Variants in BOD1 observed in about 807,000 individuals in gnomAD.
The protein encoded by BOD1 is biorientation of chromosomes in cell division protein 1.
In BOD1, 11 loss-of-function variants were observed where a neutral mutation model predicts 15.7. The ratio of observed to expected loss-of-function variants is 0.70; its 90% CI spans 0.44 to 1.16. The LOEUF (loss-of-function observed/expected upper bound fraction) is 1.16. Among genes scored for constraint, BOD1 ranks in the 50% most tolerant of loss-of-function variants. The probability of loss-of-function intolerance (pLI) is 0.00; values close to 1 mark genes in which losing one functional copy is unlikely to be tolerated. For synonymous variants in BOD1, 105 were observed against 103.5 expected, an observed-to-expected ratio of 1.01 and a Z score of -0.09; for missense variants, 182 against 244.5, an observed-to-expected ratio of 0.74 and a Z score of 1.70.
chr5:173,616,410 T>TC lies in BOD1; in HGVS notation c.26dup (p.Thr10AsnfsTer10). ...TTCCGCCGCCGCCCACCGCGCCAGT[T>TC]CCCCCGCCGCCGCCGCCGTCCGCCA... On this transcript the variant is annotated frameshift_variant, in exon 1 of 4. Transcript: ENST00000311086. LOFTEE classifies it high-confidence loss of function. 1 of 1,534,340 alleles carries TC rather than the reference T, an allele frequency of 6.5e-7. No individual in the cohort carries two copies. The highest frequency in any genetic ancestry group is 2.5e-5 in the East Asian group (1 of 39,306).
intron 2 of BOD1, among the ~76,000 whole-genome samples, chr5:173,612,618 C>T (rs745601805): frequency 3.9e-5 from 6 of 152,236 alleles, no homozygotes; most frequent in Non-Finnish European, 7.3e-5. Context: ...CTATCAATAG[C>T]ACCTTTATTA....
In BOD1 at chr5:173,607,258, T is replaced by C. The variant is rs258858; in HGVS notation, c.*1036A>G. 0.48 allele frequency among the ~76,000 whole-genome samples: 73,457 copies of C among 152,034 alleles called. 19,263 individuals are homozygous for C. Among genetic ancestry groups the C allele is most frequent in the East Asian group, 0.8 (4,120 of 5,176 alleles). On this transcript the variant is annotated 3_prime_UTR_variant, in exon 4 of 4. Coordinates refer to ENST00000311086, the MANE Select transcript of BOD1 (RefSeq NM_138369.3). ...CTTAATCAGAAATATGCATTTTCCC[T>C]TAAATCCCCAGGTGCTACTTCTGCA...
intron 2 of BOD1, among the ~76,000 whole-genome samples, chr5:173,612,231 G>T (rs2113334387): frequency 6.6e-6 from 1 of 152,346 alleles, no homozygotes; most frequent in East Asian, 1.9e-4. Flanking sequence ...ATATTCACAG[G>T]AAGTTGTGAA....
rs772937466 is a variant in BOD1, at chr5:173,609,289, G to A, written c.508C>T (p.Pro170Ser). ...GGAGGGTCCTGGCCTTCGGGCTCTG[G>A]AGGGGGTGCTGGCACAGCTGCTTTT... ...QKKAAVPAPP[P>S]EPEGQDPPAP... Residue 170 changes from proline (P) to serine (S), a missense_variant, in exon 3 of 4, where the codon CCA (proline) becomes TCA (serine). Coordinates refer to ENST00000311086, the MANE Select transcript of BOD1 (RefSeq NM_138369.3). The A allele has an allele frequency of 9.9e-6, 16 of 1,614,116 alleles. No individual in the cohort carries two copies. The highest frequency in any genetic ancestry group is 1.3e-5 in the Non-Finnish European group (15 of 1,180,050).
At chr5:173,615,949 A>G (rs1168136218) in intron 1 of BOD1, among the ~76,000 whole-genome samples, 1 of 152,216 alleles carries the variant, frequency 6.6e-6, no homozygotes, top group Non-Finnish European at 1.5e-5. Context: ...TCTAGGCTCT[A>G]AAACCCACAT....
intron 1 of BOD1, 59 bp from the exon 2 acceptor site, chr5:173,613,314 T>TA: frequency 1.9e-6 from 3 of 1,597,158 alleles, no homozygotes; most frequent in African/African-American, 1.3e-5. Flanking sequence ...GTTTTGAACT[T>TA]AGTCTCTCAG....
At position 173,608,188 on chromosome 5, in the gene BOD1, A is replaced by C; in HGVS notation, c.*106T>G. ...GCCCATGGTCAAGGTTGAAATCTTG[A>C]GATCAGTGACGACCTTGGCCTATCT... is the stretch of plus-strand genomic sequence containing the variant. On this transcript the variant is annotated 3_prime_UTR_variant, in exon 4 of 4. Transcript: ENST00000311086. 1 of 1,355,864 alleles carries C rather than the reference A, an allele frequency of 7.4e-7. No homozygotes were observed. Among genetic ancestry groups the C allele is most frequent in the Non-Finnish European group, 1.1e-6 (1 of 947,012 alleles). The allele number at this position is 1,355,864 out of a possible 1,614,324, so 84.0% of individuals were successfully genotyped here.
intron 1 of BOD1, among the ~76,000 whole-genome samples, chr5:173,615,131 C>G (rs750275147): frequency 6.6e-6 from 1 of 152,208 alleles, no homozygotes; most frequent in Non-Finnish European, 1.5e-5. Context: ...TACTTTGTTT[C>G]AAGGACAGAC....
chr5:173,613,743 C>T (rs1227910894), intron 1 of BOD1, among the ~76,000 whole-genome samples: 1 of 152,250 alleles, frequency 6.6e-6, no homozygotes, highest in East Asian at 1.9e-4. Context: ...GCCTCAATTC[C>T]ATGACTGGCC....
In BOD1 at chr5:173,607,328, A is replaced by C. The variant is rs551112936; in HGVS notation, c.*966T>G. Among the ~76,000 whole-genome samples, 15 of 152,310 alleles carry C rather than the reference A, an allele frequency of 9.8e-5. No individual in the cohort carries two copies. The South Asian group carries it at 3.1e-3, about 32-fold the overall frequency. ...CTGACACATACCACGGACTACCTCAACTAAAGACCAGTGTCAGTAATGGCT... is the reference window on the plus strand; with the variant it reads ...CTGACACATACCACGGACTACCTCACCTAAAGACCAGTGTCAGTAATGGCT... On this transcript the variant is annotated 3_prime_UTR_variant, in exon 4 of 4. Coordinates refer to ENST00000311086, the MANE Select transcript of BOD1 (RefSeq NM_138369.3).
At chr5:173,608,370 T>C (rs979513814) in intron 3 of BOD1, 78 bp from the exon 4 acceptor site, 2 of 1,203,946 alleles carry the variant, frequency 1.7e-6, no homozygotes, top group Non-Finnish European at 2.4e-6. Context: ...CCTAAAGGAA[T>C]TTACAATTAA....
At position 173,616,347 on chromosome 5, in the gene BOD1, A is replaced by G. The variant is rs1419532919; in HGVS notation, c.90T>C (p.Thr30=). The part of the protein sequence containing the change: ...QASAGAATGA[T]GASGGGGPIN... ...TGGGGCCACCGCCCCCGCTGGCCCC[A>G]GTAGCGCCAGTCGCTGCCCCGGCAG... The change falls in exon 1 of 4, where the codon ACT becomes ACC. Residue 30 remains threonine (T), a synonymous_variant. Coordinates refer to ENST00000311086, the MANE Select transcript of BOD1 (RefSeq NM_138369.3). 5 of 1,527,452 alleles carry G rather than the reference A, an allele frequency of 3.3e-6. No individual in the cohort carries two copies. The highest frequency in any genetic ancestry group is 1.2e-5 in the South Asian group (1 of 83,338). 94.6% of individuals were successfully genotyped at this position (1,527,452 alleles called of 1,614,324 possible).
At chr5:173,611,813 C>T (rs753333528) in intron 2 of BOD1, among the ~76,000 whole-genome samples, 1 of 152,200 alleles carries the variant, frequency 6.6e-6, no homozygotes, top group Non-Finnish European at 1.5e-5. Context: ...CATCCATGCT[C>T]ATTACAGAAA....
intron 2 of BOD1, among the ~76,000 whole-genome samples, chr5:173,610,378 A>C (rs941427236): frequency 6.6e-6 from 1 of 152,248 alleles, no homozygotes; most frequent in Non-Finnish European, 1.5e-5. Context: ...AGACATGAGT[A>C]AATGTACATC....
rs1755226668 is a variant in BOD1, at chr5:173,607,333, A to T, written c.*961T>A. On this transcript the variant is annotated 3_prime_UTR_variant, in exon 4 of 4. Coordinates refer to ENST00000311086, the MANE Select transcript of BOD1 (RefSeq NM_138369.3). The stretch of plus-strand genomic sequence containing the variant: ...ACATACCACGGACTACCTCAACTAA[A>T]GACCAGTGTCAGTAATGGCTCAGGG... Among the ~76,000 whole-genome samples the T allele has an allele frequency of 2.6e-5, 4 of 152,206 alleles. No homozygotes were observed. The South Asian group carries it at 8.3e-4, about 31-fold the overall frequency.
chr5:173,615,281 T>C (rs930226122), intron 1 of BOD1, among the ~76,000 whole-genome samples: 6 of 152,240 alleles, frequency 3.9e-5, no homozygotes, highest in Non-Finnish European at 8.8e-5. Context: ...AGTGACTTAT[T>C]CCTGTAATCG....
rs895886046 is a variant in BOD1 at position 173,609,493 on chromosome 5, C to A, written c.363-59G>T. On this transcript the variant is annotated intron_variant, in intron 2 of 3. Transcript: ENST00000311086. ...GTTCCTTCGGGATTCATCTTTAGCC[C>A]CAATAAGTGTCACGTGCGAGCCCAA... is the stretch of plus-strand genomic sequence containing the variant. 3 of 1,456,880 alleles carry A rather than the reference C, an allele frequency of 2.1e-6. No individual in the cohort carries two copies. The Admixed American group carries it at 5.6e-5, about 27-fold the overall frequency. The allele number at this position is 1,456,880 out of a possible 1,614,324, so 90.2% of individuals were successfully genotyped here.
Position 173,607,526 on chromosome 5 carries a change from G to A in BOD1, c.*768C>T, listed in dbSNP as rs555825286. On this transcript the variant is annotated 3_prime_UTR_variant, in exon 4 of 4. Coordinates refer to ENST00000311086, the MANE Select transcript of BOD1 (RefSeq NM_138369.3). ...CTTCAGCTGAAGCTTCGGAGTAAAA[G>A]TATCAAATAATTTTATTATGAAAGA... 4 of 152,322 alleles carry A rather than the reference G, an allele frequency of 2.6e-5. No homozygotes were observed. The South Asian group carries it at 8.3e-4, about 32-fold the overall frequency. The allele number at this position is 152,322 out of a possible 1,614,324, so 9.4% of individuals were successfully genotyped here. A position where few individuals can be genotyped will look rare whatever the true frequency, so the allele number is the denominator to read the frequency against.
Position 173,608,312 on chromosome 5 carries a change from A to C in BOD1, c.*2-20T>G. ...CGTATTCTAAAAAGGAAAGATAATC[A>C]TATCAAAATGTTATTTATTGATAAC... On this transcript the variant is annotated intron_variant, in intron 3 of 3. Coordinates refer to ENST00000311086, the MANE Select transcript of BOD1 (RefSeq NM_138369.3). 7.8e-7 allele frequency: 1 copy of C among 1,286,666 alleles called. No individual in the cohort carries two copies. 79.7% of individuals were successfully genotyped at this position (1,286,666 alleles called of 1,614,324 possible).
Sources: gnomAD v4.1 joint callset for allele counts (sites outside exome capture counted in the v4.1 genomes callset) on GRCh38, gnomAD v4.1.1 for gene constraint, MANE v1.5 for transcripts, NCBI Gene and HGNC (gene_info 2026-07-23, HGNC 2026-07-21) for gene names.